PIEZO2: variants seen among roughly 807,000 people sequenced by gnomAD.
The protein encoded by PIEZO2 is piezo-type mechanosensitive ion channel component 2.
A neutral mutation model predicts 337.3 loss-of-function variants in PIEZO2; 172 were observed. The ratio of observed to expected loss-of-function variants is 0.51; its 90% confidence interval spans 0.45 to 0.58. PIEZO2 has a LOEUF of 0.58. Among genes scored for constraint, PIEZO2 ranks in the 20% least tolerant of loss-of-function variants. The probability of loss-of-function intolerance (pLI) is 0.00; values close to 1 mark genes in which losing one functional copy is unlikely to be tolerated. For missense variants in PIEZO2, 3,028 were observed against 3,391.3 expected, an observed-to-expected ratio of 0.89 and a Z score of 2.66; for synonymous variants, 1,251 against 1,228.5, an observed-to-expected ratio of 1.02 and a Z score of -0.38.
chr18:10,792,447 C>G (rs559874131), intron 13 of PIEZO2, among the ~76,000 whole-genome samples: 1 of 152,212 alleles, frequency 6.6e-6, no homozygotes, highest in Non-Finnish European at 1.5e-5. Context: ...CTCCCTATCT[C>G]AGCCCTAGCC....
At chr18:10,922,033 T>A (rs2031449901) in intron 3 of PIEZO2, among the ~76,000 whole-genome samples, 1 of 152,160 alleles carries the variant, frequency 6.6e-6, no homozygotes, top group Non-Finnish European at 1.5e-5. Flanking sequence ...GCAATTTTAA[T>A]TTTGCCCCGG....
intron 2 of PIEZO2, among the ~76,000 whole-genome samples, chr18:11,054,003 G>A (rs965516162): frequency 5.3e-5 from 8 of 152,120 alleles, no homozygotes; most frequent in African/African-American, 1.4e-4. Context: ...CAGCCTGGGC[G>A]ACAGAGTGAA....
chr18:10,689,385 G>A (rs981518898), intron 49 of PIEZO2, among the ~76,000 whole-genome samples: 1 of 152,176 alleles, frequency 6.6e-6, no homozygotes, highest in Non-Finnish European at 1.5e-5. Flanking sequence ...TTTAAGAGTT[G>A]TTGGGATATA....
At chr18:11,051,082 G>A (rs8095703) in intron 2 of PIEZO2, among the ~76,000 whole-genome samples, 38,219 of 151,862 alleles carry the variant, frequency 0.25, 5,292 homozygotes, top group African/African-American at 0.36. Context: ...AAACACTGGG[G>A]TCATTATCTG....
chr18:11,134,790 T>C (rs1322321589), intron 1 of PIEZO2, among the ~76,000 whole-genome samples: 1 of 152,042 alleles, frequency 6.6e-6, no homozygotes, highest in Non-Finnish European at 1.5e-5. Flanking sequence ...CATAAATTAC[T>C]GAATAAATAA....
In PIEZO2 at chr18:10,859,217, G is replaced by C. The variant is rs774603385; in HGVS notation, c.493-2006C>G. Among the ~76,000 whole-genome samples, 1 of 152,180 alleles carries C rather than the reference G, an allele frequency of 6.6e-6. No individual in the cohort carries two copies. The highest frequency in any genetic ancestry group is 1.5e-5 in the Non-Finnish European group (1 of 68,032). On this transcript the variant is annotated intron_variant, in intron 5 of 55. Coordinates refer to ENST00000674853, the MANE Select transcript of PIEZO2 (RefSeq NM_001378183.1). The surrounding 1 kb of genome is among the most constrained non-coding windows in gnomAD (Gnocchi z 4.9). ...TGAAAGTCCTGGCAAAGTGCATTCCGGGTGGAGGAAAGAGCTGGTCCAAGG... is the reference window on the plus strand; with the variant it reads ...TGAAAGTCCTGGCAAAGTGCATTCCCGGTGGAGGAAAGAGCTGGTCCAAGG...
chr18:11,040,786 T>A (rs918840197), intron 2 of PIEZO2, among the ~76,000 whole-genome samples: 3 of 152,206 alleles, frequency 2.0e-5, no homozygotes, highest in Non-Finnish European at 4.4e-5. Context: ...TTCTTCCCAA[T>A]AAATTTGATT....
chr18:11,137,472 G>T (rs2040520839), intron 1 of PIEZO2, among the ~76,000 whole-genome samples: 1 of 152,222 alleles, frequency 6.6e-6, no homozygotes, highest in Non-Finnish European at 1.5e-5. Context: ...TCATTCTAGA[G>T]ATGATGTAAT....
At chr18:10,867,373 C>T (rs183768766) in intron 5 of PIEZO2, among the ~76,000 whole-genome samples, 1 of 152,274 alleles carries the variant, frequency 6.6e-6, no homozygotes, top group African/African-American at 2.4e-5. Context: ...ATGTCATGTG[C>T]TAGAATGCAG....
intron 1 of PIEZO2, among the ~76,000 whole-genome samples, chr18:11,089,834 A>G (rs530002248): frequency 2.0e-5 from 3 of 152,222 alleles, no homozygotes; most frequent in Non-Finnish European, 4.4e-5. Flanking sequence ...CTGTCCAACG[A>G]GCATTTCCTG....
intron 2 of PIEZO2, among the ~76,000 whole-genome samples, chr18:11,052,151 A>T (rs2145855099): frequency 6.6e-6 from 1 of 152,214 alleles, no homozygotes; most frequent in Non-Finnish European, 1.5e-5. Flanking sequence ...CTCTAATACA[A>T]TGAGTTAGTG....
intron 3 of PIEZO2, among the ~76,000 whole-genome samples, chr18:10,951,324 G>A (rs753166721): frequency 1.3e-5 from 2 of 152,044 alleles, no homozygotes; most frequent in African/African-American, 2.4e-5. Flanking sequence ...ACTCTTCCCC[G>A]AATTGCAATT....
Position 10,707,354 on chromosome 18 carries a change from G to A in PIEZO2, c.5588+921C>T, listed in dbSNP as rs1024651476. ...TCAAGAAAATGGACTGGCATGGCAGGCACATGCCCGCCAGAGGACTTTGTC... is the reference window on the plus strand; with the variant it reads ...TCAAGAAAATGGACTGGCATGGCAGACACATGCCCGCCAGAGGACTTTGTC... On this transcript the variant is annotated intron_variant, in intron 40 of 55. Coordinates refer to ENST00000674853, the MANE Select transcript of PIEZO2 (RefSeq NM_001378183.1). The surrounding 1 kb of genome is among the most constrained non-coding windows in gnomAD (Gnocchi z 4.2). Among the ~76,000 whole-genome samples the A allele has an allele frequency of 6.6e-6, 1 of 152,054 alleles. No individual in the cohort carries two copies. The highest frequency in any genetic ancestry group is 6.5e-5 in the Admixed American group (1 of 15,272).
At position 10,805,180 on chromosome 18, in the gene PIEZO2, T is replaced by C. The variant is rs191131983; in HGVS notation, c.1081-1186A>G. On this transcript the variant is annotated intron_variant, in intron 8 of 55. Transcript: ENST00000674853. ...AAATGGGCTGGGAAATCTTAATAAC[T>C]AGAAAGCCTTAAAGTAATTTCCATA... Among the ~76,000 whole-genome samples the C allele has an allele frequency of 2.3e-3, 355 of 152,316 alleles. 1 individual carries two copies. Among genetic ancestry groups the C allele is most frequent in the African/African-American group, 8.0e-3 (334 of 41,572 alleles).
chr18:10,738,483 G>C (rs1266968869), intron 33 of PIEZO2: 2 of 152,114 alleles, frequency 1.3e-5, no homozygotes, highest in African/African-American at 4.8e-5. Context: ...TAAGAAAAAA[G>C]AAAATGTAAA....
chr18:10,748,711 G>C lies in PIEZO2; in HGVS notation c.4265-81C>G. On this transcript the variant is annotated intron_variant, in intron 29 of 55. Coordinates refer to ENST00000674853, the MANE Select transcript of PIEZO2 (RefSeq NM_001378183.1). This position sits in a 1 kb window ranked among gnomAD's most constrained non-coding sequence, Gnocchi z 5.1. Reference sequence around the variant, plus strand: ...TTTATAAAATCTGAGGTATGGTCAGGCTTGGGAAATATAGGCATAAAAGCA... The same window carrying C: ...TTTATAAAATCTGAGGTATGGTCAGCCTTGGGAAATATAGGCATAAAAGCA... 1 of 1,308,652 alleles carries C rather than the reference G, an allele frequency of 7.6e-7. No homozygotes were observed. Among genetic ancestry groups the C allele is most frequent in the South Asian group, 1.6e-5 (1 of 62,322 alleles). The allele number at this position is 1,308,652 out of a possible 1,614,324, so 81.1% of individuals were successfully genotyped here.
intron 3 of PIEZO2, among the ~76,000 whole-genome samples, chr18:10,930,907 C>A (rs941653216): frequency 6.6e-6 from 1 of 152,180 alleles, no homozygotes; most frequent in Non-Finnish European, 1.5e-5. Context: ...TGTCTAAAAG[C>A]ACCATGGTAT....
Position 11,132,694 on chromosome 18 carries a change from G to A in PIEZO2, c.64+15831C>T, listed in dbSNP as rs1599009359. Among the ~76,000 whole-genome samples the A allele has an allele frequency of 6.6e-6, 1 of 152,100 alleles. No homozygotes were observed. Among genetic ancestry groups the A allele is most frequent in the Non-Finnish European group, 1.5e-5 (1 of 68,028 alleles). On this transcript the variant is annotated intron_variant, in intron 1 of 55. Coordinates refer to ENST00000674853, the MANE Select transcript of PIEZO2 (RefSeq NM_001378183.1). This position sits in a 1 kb window ranked among gnomAD's most constrained non-coding sequence, Gnocchi z 4.7. The stretch of plus-strand genomic sequence containing the variant: ...GAGCACTGCCACCAGTAGACACAAT[G>A]ATTCCATTAAACTGGGAGTTAAGAT...
rs1425509747 is a variant in PIEZO2, at chr18:10,677,720, T to A, written c.8081+27A>T. On this transcript the variant is annotated intron_variant, in intron 53 of 55. Coordinates refer to ENST00000674853, the MANE Select transcript of PIEZO2 (RefSeq NM_001378183.1). This position sits in a 1 kb window ranked among gnomAD's most constrained non-coding sequence, Gnocchi z 4.1. ...ACCAGCTGCATATACCTAACAAAGC[T>A]CTATTAGTAGGAAAAAATACACTTA... The A allele has an allele frequency of 1.9e-5, 31 of 1,602,740 alleles. No homozygotes were observed. The highest frequency in any genetic ancestry group is 2.6e-5 in the Non-Finnish European group (31 of 1,177,080).
Sources: allele counts gnomAD v4.1 joint callset (sites outside exome capture counted in the v4.1 genomes callset), GRCh38; gene constraint gnomAD v4.1.1; non-coding constraint Gnocchi (gnomAD v3.1); transcripts MANE v1.5; gene names NCBI Gene and HGNC (gene_info 2026-07-23, HGNC 2026-07-21).